Variants in NISCH observed in about 807,000 individuals in gnomAD.
NISCH encodes I-1 receptor candidate protein.
Under a neutral mutation model 138.4 loss-of-function variants are expected in NISCH, and 55 were observed. The observed-to-expected ratio is 0.40, with a 90% confidence interval of 0.32 to 0.50. The LOEUF is 0.50. NISCH is among the 20% of genes least tolerant of loss of function. NISCH has a pLI of 0.71. For missense variants in NISCH, 1,643 were observed against 2,005.5 expected (o/e 0.82, Z 3.45); for synonymous variants, 860 against 861.5 (o/e 1.00, Z 0.03).
intron 19 of NISCH, among the ~76,000 whole-genome samples, chr3:52,491,072 G>A (rs1343760483): frequency 6.6e-6 from 1 of 152,252 alleles, no homozygotes; most frequent in African/African-American, 2.4e-5. Context: ...GAAGCAGAGT[G>A]GGCCCTGGTC....
At chr3:52,460,428 G>T (rs1342441624) in intron 3 of NISCH, among the ~76,000 whole-genome samples, 27 of 144,154 alleles carry the variant, frequency 1.9e-4, no homozygotes, top group Non-Finnish European at 3.3e-4. Flanking sequence ...TTGAGACAGG[G>T]TCTCACTCCA....
chr3:52,470,731 T>G (rs1418826910), intron 3 of NISCH, 128 bp from the exon 4 acceptor site: 2 of 783,882 alleles, frequency 2.6e-6, no homozygotes, highest in Middle Eastern at 2.3e-4. Flanking sequence ...GTTTATGCCC[T>G]CCTTTCTTTA....
intron 7 of NISCH, chr3:52,476,243 T>A: frequency 1.7e-6 from 1 of 591,880 alleles, no homozygotes; most frequent in Non-Finnish European, 3.0e-6. Flanking sequence ...TAATTCTAAG[T>A]GGCTGTTATG....
chr3:52,470,963 C>G lies in NISCH; in HGVS notation c.409+56C>G. The stretch of plus-strand genomic sequence containing the variant: ...GCATAAGTTGTGTAGTTTTATGAGG[C>G]GGCCAGAGGCACAGGATGGCATAGA... On this transcript the variant is annotated intron_variant, in intron 4 of 20. Coordinates refer to ENST00000345716, the MANE Select transcript of NISCH (RefSeq NM_007184.4). 1.9e-6 allele frequency: 3 copies of G among 1,575,118 alleles called. No homozygotes were observed. In the South Asian group the frequency reaches 3.3e-5, roughly 17 times the overall value.
Position 52,478,228 on chromosome 3 carries a change from G to A in NISCH, c.1119G>A (p.Leu373=). The change falls in exon 10 of 21, where the codon CTG becomes CTA. Residue 373 remains leucine (L), a synonymous_variant. Transcript: ENST00000345716. ...ACCTCCTAGAGAGTCTGAGTGGCCT[G>A]CACAAGCTCTACTCACTGGTCAACC... is the stretch of plus-strand genomic sequence containing the variant. ...AGNLLESLSG[L]HKLYSLVNLD... The A allele has an allele frequency of 6.2e-7, 1 of 1,614,132 alleles. No individual in the cohort carries two copies. The highest frequency in any genetic ancestry group is 8.5e-7 in the Non-Finnish European group (1 of 1,179,984).
In NISCH at chr3:52,484,501, T is replaced by A; in HGVS notation, c.1529-12T>A. ...ACCCTGCCTGCCTGCCCACCCGCCC[T>A]GGTCTCTCCAGGAATCATGTTCGTT... On this transcript the variant is annotated splice_polypyrimidine_tract_variant and intron_variant, in intron 13 of 20. Coordinates refer to ENST00000345716, the MANE Select transcript of NISCH (RefSeq NM_007184.4). 1 of 487,838 alleles carries A rather than the reference T, an allele frequency of 2.0e-6. No homozygotes were observed. The highest frequency in any genetic ancestry group is 2.7e-6 in the Non-Finnish European group (1 of 375,766). The allele number at this position is 487,838 out of a possible 1,614,324, so 30.2% of individuals were successfully genotyped here. A position where few individuals can be genotyped will look rare whatever the true frequency, so the allele number is the denominator to read the frequency against.
At chr3:52,462,795 C>G (rs1451654856) in intron 3 of NISCH, among the ~76,000 whole-genome samples, 1 of 152,068 alleles carries the variant, frequency 6.6e-6, no homozygotes, top group Non-Finnish European at 1.5e-5. Context: ...CGCCACCACA[C>G]CCAGCTAATT....
chr3:52,472,106 A>G, intron 5 of NISCH, 129 bp downstream of exon 5: 2 of 1,101,940 alleles, frequency 1.8e-6, no homozygotes, highest in Non-Finnish European at 2.6e-6. Context: ...CCGCCCGGTT[A>G]TTCTTGGCAC....
chr3:52,477,013 C>T (rs1426509314), intron 8 of NISCH, among the ~76,000 whole-genome samples: 1 of 151,714 alleles, frequency 6.6e-6, no homozygotes, highest in Non-Finnish European at 1.5e-5. Context: ...CCAGCCTGGG[C>T]GACAGAGTGA....
In NISCH at chr3:52,478,465, G is replaced by T; in HGVS notation, c.1190G>T (p.Ser397Ile). ...ACCTTGCAGATGGAGGAGGTCCGGAGCATAGGCAGCCTCCCGTGTCTGGAG... is the reference window on the plus strand; with the variant it reads ...ACCTTGCAGATGGAGGAGGTCCGGATCATAGGCAGCCTCCCGTGTCTGGAG... ...NRIEQMEEVRSIGSLPCLEHV... is the reference protein window; with the variant it reads ...NRIEQMEEVRIIGSLPCLEHV... The change falls in exon 11 of 21, where the codon AGC becomes ATC. Residue 397 changes from serine (S) to isoleucine (I), a missense_variant. Ser to Ile is a moderately radical substitution (Grantham distance 142, BLOSUM62 -2). Transcript: ENST00000345716. 6.2e-7 allele frequency: 1 copy of T among 1,614,232 alleles called. No individual in the cohort carries two copies. The highest frequency in any genetic ancestry group is 1.1e-5 in the South Asian group (1 of 91,088).
intron 6 of NISCH, among the ~76,000 whole-genome samples, chr3:52,473,355 T>C (rs186173442): frequency 6.6e-6 from 1 of 152,228 alleles, no homozygotes; most frequent in Admixed American, 6.5e-5. Context: ...CTCAGTTCCA[T>C]GGAGTGGGGG....
intron 3 of NISCH, among the ~76,000 whole-genome samples, chr3:52,470,380 G>A (rs1483234144): frequency 6.6e-6 from 1 of 152,228 alleles, no homozygotes; most frequent in African/African-American, 2.4e-5. Flanking sequence ...CATTTGAAAC[G>A]TGAGAGGAAG....
chr3:52,470,510 A>C, intron 3 of NISCH: 2 of 286,102 alleles, frequency 7.0e-6, no homozygotes, highest in Non-Finnish European at 6.5e-6. Context: ...TCTCCTAGGA[A>C]CACCCAGAGC....
At position 52,489,600 on chromosome 3, in the gene NISCH, T is replaced by C. The variant is rs1228519066; in HGVS notation, c.3378T>C (p.Pro1126=). Residue 1126 remains proline (P), a synonymous_variant, in exon 17 of 21, where the codon CCT becomes CCC. Transcript: ENST00000345716. ...AGAATCAGATCCCCTCGCACTTGCC[T>C]GCCTGCCCGTCGCTCCGGCACGTCG... The part of the protein sequence containing the change: ...SEENQIPSHL[P]ACPSLRHVAS... 1 of 1,613,006 alleles carries C rather than the reference T, an allele frequency of 6.2e-7. No individual in the cohort carries two copies. The highest frequency in any genetic ancestry group is 2.2e-5 in the East Asian group (1 of 44,886).
intron 8 of NISCH, among the ~76,000 whole-genome samples, 197 bp from the exon 9 acceptor site, chr3:52,477,377 A>G (rs1482484793): frequency 6.6e-6 from 1 of 152,174 alleles, no homozygotes; most frequent in Non-Finnish European, 1.5e-5. Flanking sequence ...AGTGCCCAGC[A>G]CTGGGGGCCC....
intron 13 of NISCH, chr3:52,481,220 G>A: frequency 8.8e-7 from 1 of 1,142,466 alleles, no homozygotes. Flanking sequence ...CGGAGGATGA[G>A]AGGGAGAGTC....
intron 3 of NISCH, among the ~76,000 whole-genome samples, chr3:52,467,434 T>C (rs1180435954): frequency 6.6e-6 from 1 of 152,068 alleles, no homozygotes; most frequent in Non-Finnish European, 1.5e-5. Context: ...CCTCCTGGCG[T>C]GGGGAGGCCT....
chr3:52,465,572 T>C (rs1336944003), intron 3 of NISCH, among the ~76,000 whole-genome samples: 1 of 152,224 alleles, frequency 6.6e-6, no homozygotes, highest in African/African-American at 2.4e-5. Flanking sequence ...TTCAGATTGC[T>C]GTGTCCTGAC....
chr3:52,491,760 C>T, intron 20 of NISCH, 112 bp from the exon 21 acceptor site: 2 of 1,370,170 alleles, frequency 1.5e-6, no homozygotes, highest in Non-Finnish European at 2.0e-6. Context: ...CTTGGAGCAT[C>T]CTCTCCTGCC....
Sources: gnomAD v4.1 joint callset for allele counts (sites outside exome capture counted in the v4.1 genomes callset) on GRCh38, gnomAD v4.1.1 for gene constraint, MANE v1.5 for transcripts, NCBI Gene and HGNC (gene_info 2026-07-23, HGNC 2026-07-21) for gene names.